The following HYAL4 variants were observed in gnomAD, a reference collection of about 807,000 sequenced individuals.
HYAL4 encodes hyaluronidase-4.
Under a neutral mutation model 35.2 loss-of-function variants are expected in HYAL4, and 37 were observed. That is an observed-to-expected ratio of 1.05 (90% confidence interval 0.81 to 1.38). The LOEUF (loss-of-function observed/expected upper bound fraction) is 1.38, where lower values mean the gene tolerates loss of function less well. Among genes scored for constraint, HYAL4 ranks in the 40% most tolerant of loss-of-function variants. The pLI is 0.00. For missense variants in HYAL4, 572 were observed against 572.4 expected (o/e 1.00, Z 0.01); for synonymous variants, 198 against 203.2 (o/e 0.97, Z 0.22).
chr7:123,800,416 A>C, the HYAL4 span, among the ~76,000 whole-genome samples: 3 of 144,112 alleles, frequency 2.1e-5, no homozygotes, highest in African/African-American at 7.7e-5. Flanking sequence ...TGATCCGCCC[A>C]CCTCGGCCTC....
chr7:123,804,049 A>AG, the HYAL4 span, among the ~76,000 whole-genome samples: 1 of 152,166 alleles, frequency 6.6e-6, no homozygotes, highest in Non-Finnish European at 1.5e-5. Flanking sequence ...TTATCCTTAT[A>AG]CTAGAGTTCA....
the HYAL4 span, among the ~76,000 whole-genome samples, chr7:123,818,172 T>C: frequency 6.6e-6 from 1 of 152,186 alleles, no homozygotes; most frequent in Non-Finnish European, 1.5e-5. Context: ...CCACTGCACC[T>C]GACCAGTTGT....
chr7:123,800,262 C>T, the HYAL4 span, among the ~76,000 whole-genome samples: 1 of 150,868 alleles, frequency 6.6e-6, no homozygotes, highest in East Asian at 2.0e-4. Flanking sequence ...CTCCACCTCC[C>T]GGGTTCACGC....
At chr7:123,838,313 A>G (rs923454856) in intron 1 of HYAL4, among the ~76,000 whole-genome samples, 2 of 150,952 alleles carry the variant, frequency 1.3e-5, no homozygotes, top group African/African-American at 2.4e-5. Context: ...ATATTTAAAT[A>G]GATTCAGGCA....
the HYAL4 span, among the ~76,000 whole-genome samples, chr7:123,808,419 G>A: frequency 1.1e-4 from 1 of 9,236 alleles, no homozygotes; most frequent in Admixed American, 1.4e-3. Flanking sequence ...GTATCATCAC[G>A]TGTGTGTGTG....
chr7:123,821,520 A>G, the HYAL4 span, among the ~76,000 whole-genome samples: 21 of 152,244 alleles, frequency 1.4e-4, no homozygotes, highest in South Asian at 4.4e-3. Context: ...TTGCTGAGTC[A>G]TAGAAGTTCA....
the HYAL4 span, among the ~76,000 whole-genome samples, chr7:123,823,819 A>G: frequency 6.6e-6 from 1 of 151,524 alleles, no homozygotes; most frequent in Admixed American, 6.6e-5. Context: ...AGTTACCTAG[A>G]TAGTACATAC....
chr7:123,871,369 T>G (rs758230480), intron 3 of HYAL4, among the ~76,000 whole-genome samples: 30 of 152,208 alleles, frequency 2.0e-4, no homozygotes, highest in Middle Eastern at 3.4e-3. Flanking sequence ...TTTTTGTGTT[T>G]TTAGTAGAGA....
chr7:123,824,175 A>G (rs527730079), upstream of HYAL4, among the ~76,000 whole-genome samples: 8 of 152,262 alleles, frequency 5.3e-5, no homozygotes, highest in Admixed American at 4.6e-4. Flanking sequence ...TATCTATACA[A>G]TGAAAGAAAT....
intron 2 of HYAL4, among the ~76,000 whole-genome samples, chr7:123,867,137 G>A (rs1806710295): frequency 6.6e-6 from 1 of 152,086 alleles, no homozygotes; most frequent in South Asian, 2.1e-4. Flanking sequence ...GTTACACCAG[G>A]GGTTTGGTCT....
chr7:123,778,041 A>G, the HYAL4 span, among the ~76,000 whole-genome samples: 1 of 152,038 alleles, frequency 6.6e-6, no homozygotes, highest in Non-Finnish European at 1.5e-5. Context: ...TAATTTTGTC[A>G]TAGAAGGCTT....
At chr7:123,771,668 T>C in the HYAL4 span, among the ~76,000 whole-genome samples, 1 of 152,212 alleles carries the variant, frequency 6.6e-6, no homozygotes, top group Non-Finnish European at 1.5e-5. Context: ...ATTACTTGAC[T>C]TATTGGTTAG....
the HYAL4 span, among the ~76,000 whole-genome samples, chr7:123,779,733 T>G: frequency 6.6e-6 from 1 of 152,136 alleles, no homozygotes; most frequent in Non-Finnish European, 1.5e-5. Flanking sequence ...CAAGCTTAAT[T>G]TTCTCAGATG....
upstream of HYAL4, among the ~76,000 whole-genome samples, chr7:123,828,528 G>A (rs1805834249): frequency 6.6e-6 from 1 of 151,844 alleles, no homozygotes; most frequent in Admixed American, 6.6e-5. Context: ...GAGGTAGGGA[G>A]AAGAATAGGA....
chr7:123,850,355 C>G (rs1806275791), intron 2 of HYAL4, among the ~76,000 whole-genome samples: 1 of 152,176 alleles, frequency 6.6e-6, no homozygotes. Context: ...GATCCTCCCA[C>G]TTCAGCCTCC....
intron 2 of HYAL4, among the ~76,000 whole-genome samples, chr7:123,860,526 A>G (rs1806554813): frequency 6.6e-6 from 1 of 152,218 alleles, no homozygotes; most frequent in African/African-American, 2.4e-5. Context: ...TTTAAAGACT[A>G]TTTTAATATC....
At chr7:123,834,614 A>G (rs762475581) in intron 1 of HYAL4, among the ~76,000 whole-genome samples, 46 of 152,088 alleles carry the variant, frequency 3.0e-4, no homozygotes, top group South Asian at 1.7e-3. Flanking sequence ...TTCCAGTACT[A>G]TGTTGAAGAG....
At chr7:123,777,924 T>C in the HYAL4 span, among the ~76,000 whole-genome samples, 1 of 151,942 alleles carries the variant, frequency 6.6e-6, no homozygotes, top group African/African-American at 2.4e-5. Flanking sequence ...CGTTAGTTTT[T>C]TTTTTTTGCT....
chr7:123,847,889 G>A (rs951355661), intron 1 of HYAL4, among the ~76,000 whole-genome samples, 200 bp from the exon 2 acceptor site: 2 of 152,084 alleles, frequency 1.3e-5, no homozygotes, highest in South Asian at 4.1e-4. Context: ...TTATTTTCCA[G>A]CTAAAGAGTC....
Sources: gnomAD v4.1 joint callset for allele counts (sites outside exome capture counted in the v4.1 genomes callset) on GRCh38, gnomAD v4.1.1 for gene constraint, MANE v1.5 for transcripts, NCBI Gene and HGNC (gene_info 2026-07-23, HGNC 2026-07-21) for gene names.